The following EHMT1 variants were observed in gnomAD, a reference collection of about 807,000 sequenced individuals.
EHMT1 encodes euchromatic histone lysine methyltransferase 1, also known as histone-lysine N-methyltransferase EHMT1.
Under a neutral mutation model 147.2 loss-of-function variants are expected in EHMT1, and 15 were observed. The ratio of observed to expected loss-of-function variants is 0.10; its 90% CI spans 0.07 to 0.16. EHMT1 has a LOEUF of 0.16. Ranked by LOEUF, EHMT1 falls within the 10% of genes least tolerant of loss-of-function variation. The probability of loss-of-function intolerance (pLI) is 1.00; values close to 1 mark genes in which losing one functional copy is unlikely to be tolerated. For missense variants in EHMT1, 1,587 were observed against 1,772.4 expected (o/e 0.90, Z 1.88); for synonymous variants, 795 against 709.6 (o/e 1.12, Z -1.91).
At chr9:137,658,840 G>A (rs1938765308) in intron 1 of EHMT1, among the ~76,000 whole-genome samples, 2 of 152,010 alleles carry the variant, frequency 1.3e-5, no homozygotes, top group African/African-American at 4.8e-5. Context: ...GCCCAGGCTG[G>A]TCTCAAGCTT....
At chr9:137,670,284 C>CT (rs1157373708) in intron 1 of EHMT1, among the ~76,000 whole-genome samples, 1 of 152,088 alleles carries the variant, frequency 6.6e-6, no homozygotes, top group Non-Finnish European at 1.5e-5. Context: ...CTCATTCTCC[C>CT]TTAGATCCTT....
intron 1 of EHMT1, among the ~76,000 whole-genome samples, chr9:137,673,292 C>T (rs138785846): frequency 1.3e-5 from 2 of 152,286 alleles, no homozygotes; most frequent in East Asian, 3.9e-4. Flanking sequence ...TGTGGTCCCT[C>T]ACCATTCTCG....
intron 10 of EHMT1, among the ~76,000 whole-genome samples, chr9:137,774,722 G>T (rs1432568294): frequency 7.4e-5 from 9 of 122,436 alleles, no homozygotes; most frequent in African/African-American, 3.0e-4. Context: ...GATCTGGTGG[G>T]TATGGTCGCG....
intron 1 of EHMT1, chr9:137,665,015 T>G (rs1357339367): frequency 6.6e-6 from 1 of 152,176 alleles, no homozygotes; most frequent in African/African-American, 2.4e-5. Flanking sequence ...ACTTTGCAAC[T>G]CTTGGGCAGT....
intron 3 of EHMT1, 46 bp from the exon 4 acceptor site, chr9:137,728,303 C>A: frequency 1.2e-6 from 2 of 1,612,668 alleles, no homozygotes; most frequent in Non-Finnish European, 1.7e-6. Context: ...ATTTCAGTGA[C>A]CACCTGCTTA....
At chr9:137,761,418 ATTTAC>A (rs888060558) in intron 9 of EHMT1, among the ~76,000 whole-genome samples, 4 of 152,178 alleles carry the variant, frequency 2.6e-5, no homozygotes, top group African/African-American at 9.7e-5. Context: ...CTCCATTTTA[ATTTAC>A]TTTAACACTA....
At chr9:137,740,019 C>T (rs576317889) in intron 4 of EHMT1, among the ~76,000 whole-genome samples, 35 of 152,280 alleles carry the variant, frequency 2.3e-4, no homozygotes, top group African/African-American at 7.2e-4. Context: ...GTGGTGACCA[C>T]GCAGACTGCT....
At chr9:137,800,397 A>C in intron 17 of EHMT1, 5 of 195,868 alleles carry the variant, frequency 2.6e-5, no homozygotes, top group Admixed American at 5.4e-5. Context: ...TGCTGCTCTG[A>C]TGGGGTCCCT....
intron 9 of EHMT1, among the ~76,000 whole-genome samples, chr9:137,759,449 C>T (rs1949636176): frequency 6.6e-6 from 1 of 152,290 alleles, no homozygotes; most frequent in South Asian, 2.1e-4. Context: ...CGGGAGCTGG[C>T]ACATGAAGGC....
intron 1 of EHMT1, among the ~76,000 whole-genome samples, chr9:137,666,300 G>T (rs1939641465): frequency 6.6e-6 from 1 of 152,248 alleles, no homozygotes. Context: ...TTCCACATTT[G>T]CTGGTAGCAG....
chr9:137,791,168 C>T (rs1337247455), intron 16 of EHMT1, among the ~76,000 whole-genome samples, 198 bp downstream of exon 16: 1 of 152,188 alleles, frequency 6.6e-6, no homozygotes, highest in African/African-American at 2.4e-5. Context: ...TCACTCTCTA[C>T]AGAGCCTGAC....
intron 1 of EHMT1, among the ~76,000 whole-genome samples, chr9:137,674,720 C>T (rs1484128569): frequency 6.6e-6 from 1 of 152,188 alleles, no homozygotes; most frequent in Non-Finnish European, 1.5e-5. Context: ...TGGATTGGGG[C>T]TCCTTTTGTA....
Position 137,717,037 on chromosome 9 carries a change from G to C in EHMT1, c.497G>C (p.Ser166Thr). 1.2e-6 allele frequency: 2 copies of C among 1,607,178 alleles called. No individual in the cohort carries two copies. Reference protein sequence around the residue: ...PGGAGKGRTPSAFPQTPAAPP... With the variant: ...PGGAGKGRTPTAFPQTPAAPP... ...GGGGCTGGCAAAGGCAGGACTCCAA[G>C]CGCTTTTCCCCAGACGCCAGCCGCC... Residue 166 changes from serine to threonine, a missense_variant, in exon 3 of 27, where the codon AGC becomes ACC. Coordinates refer to ENST00000460843, the MANE Select transcript of EHMT1 (RefSeq NM_024757.5).
intron 18 of EHMT1, among the ~76,000 whole-genome samples, chr9:137,807,437 T>C (rs1172575401): frequency 1.3e-5 from 2 of 152,122 alleles, no homozygotes; most frequent in African/African-American, 4.8e-5. Flanking sequence ...CTACTTAACT[T>C]TCGAACCTAT....
chr9:137,833,162 C>T (rs1030100613), intron 25 of EHMT1, among the ~76,000 whole-genome samples: 1 of 152,230 alleles, frequency 6.6e-6, no homozygotes, highest in East Asian at 1.9e-4. Flanking sequence ...CTGAGCGTCC[C>T]TGGCTCTCTG....
intron 18 of EHMT1, among the ~76,000 whole-genome samples, chr9:137,805,548 T>TG (rs1672954644): frequency 6.6e-6 from 1 of 152,374 alleles, no homozygotes; most frequent in East Asian, 1.9e-4. Context: ...CAGTAGGTCT[T>TG]GCAAAATCAT....
chr9:137,659,586 CTG>C (rs1033486111), intron 1 of EHMT1, among the ~76,000 whole-genome samples: 1 of 149,240 alleles, frequency 6.7e-6, no homozygotes, highest in African/African-American at 2.5e-5. Context: ...GACAGAGTCT[CTG>C]TTGCCCAGGC....
At position 137,782,548 on chromosome 9, in the gene EHMT1, C is replaced by CTGCA; in HGVS notation, c.2382+152_2382+155dup. The CTGCA allele has an allele frequency of 1.1e-5, 8 of 732,706 alleles. No individual in the cohort carries two copies. The South Asian group carries it at 1.2e-4, about 11-fold the overall frequency. 45.4% of individuals were successfully genotyped at this position (732,706 alleles called of 1,614,324 possible). On this transcript the variant is annotated intron_variant, in intron 15 of 26. Coordinates refer to ENST00000460843, the MANE Select transcript of EHMT1 (RefSeq NM_024757.5). This position sits in a 1 kb window ranked among gnomAD's most constrained non-coding sequence, Gnocchi z 5.7. ...GAGTCAGCTTTTCTGCCCCCGAGTC[C>CTGCA]TGCAGGTGGATCAGTGCTTCCCGCT... is the stretch of plus-strand genomic sequence containing the variant.
At chr9:137,735,119 C>T (rs1046961415) in intron 4 of EHMT1, among the ~76,000 whole-genome samples, 7 of 152,200 alleles carry the variant, frequency 4.6e-5, no homozygotes, top group African/African-American at 1.7e-4. Flanking sequence ...AGTCTGCAAG[C>T]TAGTATCATT....
Sources: gnomAD v4.1 joint callset for allele counts (sites outside exome capture counted in the v4.1 genomes callset) on GRCh38, gnomAD v4.1.1 for gene constraint, Gnocchi (gnomAD v3.1) non-coding constraint, MANE v1.5 for transcripts, NCBI Gene and HGNC (gene_info 2026-07-23, HGNC 2026-07-21) for gene names.